SRCIN1: variants seen among roughly 807,000 people sequenced by gnomAD.
The protein encoded by SRCIN1 is SRC kinase signaling inhibitor 1, also known as P130Cas-associated protein.
Under a neutral mutation model 116.2 loss-of-function variants are expected in SRCIN1, and 50 were observed. That is an observed-to-expected ratio of 0.43 (90% confidence interval 0.34 to 0.54). The LOEUF (loss-of-function observed/expected upper bound fraction) is 0.54. Among genes scored for constraint, SRCIN1 ranks in the 20% least tolerant of loss-of-function variants. The probability of loss-of-function intolerance (pLI) is 0.02; values close to 1 mark genes in which losing one functional copy is unlikely to be tolerated. For synonymous variants in SRCIN1, 736 were observed against 750.0 expected, an observed-to-expected ratio of 0.98 and a Z score of 0.30; for missense variants, 1,446 against 1,672.0, an observed-to-expected ratio of 0.86 and a Z score of 2.36.
In SRCIN1 at chr17:38,558,299, C is replaced by A. The variant is rs757351056; in HGVS notation, c.2129G>T (p.Arg710Leu). Reference sequence around the variant, plus strand: ...TTCCTCTTCCACCAGGGTGCGCTGCCGCTGCAGCGGGTCCTCCTGCCGCCG... The same window carrying A: ...TTCCTCTTCCACCAGGGTGCGCTGCAGCTGCAGCGGGTCCTCCTGCCGCCG... ...AARRQEDPLQRQRTLVEEERL... is the reference protein window; with the variant it reads ...AARRQEDPLQLQRTLVEEERL... Residue 710 changes from arginine (R) to leucine (L), a missense_variant, in exon 11 of 19, where the codon CGG (arginine) becomes CTG (leucine). By Grantham distance (102) the Arg-to-Leu change is moderately radical. Coordinates refer to ENST00000617146, the MANE Select transcript of SRCIN1 (RefSeq NM_025248.3). The surrounding 1 kb of genome is among the most constrained non-coding windows in gnomAD (Gnocchi z 4.6). The A allele has an allele frequency of 1.2e-6, 2 of 1,611,960 alleles. No individual in the cohort carries two copies. Among genetic ancestry groups the A allele is most frequent in the Non-Finnish European group, 1.7e-6 (2 of 1,179,648 alleles).
At chr17:38,605,365 C>T (rs1316978237) in intron 1 of SRCIN1, among the ~76,000 whole-genome samples, 2 of 147,506 alleles carry the variant, frequency 1.4e-5, no homozygotes, top group Non-Finnish European at 1.5e-5. Context: ...TCCACACAAG[C>T]CCCTTTACAG....
At chr17:38,539,325 A>T (rs1398045036) in intron 18 of SRCIN1, among the ~76,000 whole-genome samples, 1 of 152,088 alleles carries the variant, frequency 6.6e-6, no homozygotes, top group Non-Finnish European at 1.5e-5. Flanking sequence ...CCTGGCCTCG[A>T]GTGATCCTCC....
At chr17:38,567,213 C>A (rs1906777698) in intron 3 of SRCIN1, among the ~76,000 whole-genome samples, 1 of 152,212 alleles carries the variant, frequency 6.6e-6, no homozygotes. Context: ...CCTTTTTTCC[C>A]TATCTTTACA....
chr17:38,543,003 G>C, intron 18 of SRCIN1: 1 of 446,474 alleles, frequency 2.2e-6, no homozygotes, highest in Non-Finnish European at 4.6e-6. Flanking sequence ...AATCAAACGA[G>C]TGCACTAAGG....
rs1449764621 is a variant in SRCIN1, at chr17:38,539,721, T to TC, written c.3417+4101dup. Among the ~76,000 whole-genome samples, 4 of 152,218 alleles carry TC rather than the reference T, an allele frequency of 2.6e-5. No homozygotes were observed. In the South Asian group the frequency reaches 6.2e-4, roughly 24 times the overall value. On this transcript the variant is annotated intron_variant, in intron 18 of 18. Coordinates refer to ENST00000617146, the MANE Select transcript of SRCIN1 (RefSeq NM_025248.3). ...TGTTTTCTCCCTCAATCCTCTGGTG[T>TC]CGTCCTTTCATTAAAGTCTCTTCAT...
chr17:38,561,798 C>G lies in SRCIN1; in HGVS notation c.1365G>C (p.Ala455=). The G allele has an allele frequency of 3.4e-6, 5 of 1,483,152 alleles. No individual in the cohort carries two copies. Among genetic ancestry groups the G allele is most frequent in the Non-Finnish European group, 4.4e-6 (5 of 1,124,044 alleles). The allele number at this position is 1,483,152 out of a possible 1,614,324, so 91.9% of individuals were successfully genotyped here. Residue 455 remains alanine, a synonymous_variant, in exon 7 of 19, where the codon GCG becomes GCC. Transcript: ENST00000617146. ...SDLEDSLYKA[A]GGGGPLYGDG... Reference sequence around the variant, plus strand: ...CGCCGTACAGCGGGCCGCCGCCGCCCGCCGCCTTGTACAGGGAGTCCTCCA... The same window carrying G: ...CGCCGTACAGCGGGCCGCCGCCGCCGGCCGCCTTGTACAGGGAGTCCTCCA...
intron 18 of SRCIN1, among the ~76,000 whole-genome samples, chr17:38,537,465 C>T (rs1170485062): frequency 1.3e-5 from 2 of 151,526 alleles, no homozygotes. Flanking sequence ...CATGCCACTG[C>T]CTGGGTGACA....
intron 11 of SRCIN1, among the ~76,000 whole-genome samples, chr17:38,557,130 G>A (rs997476717): frequency 9.2e-5 from 14 of 152,186 alleles, no homozygotes; most frequent in African/African-American, 3.1e-4. Context: ...CATGGGAATT[G>A]TTGCCTTGGG....
At chr17:38,583,621 C>T (rs1012614335) in intron 1 of SRCIN1, among the ~76,000 whole-genome samples, 3 of 143,608 alleles carry the variant, frequency 2.1e-5, no homozygotes, top group Admixed American at 7.3e-5. Context: ...GGTGCGATCT[C>T]GGCTCACTGC....
At chr17:38,548,778 C>T in intron 16 of SRCIN1, 69 bp from the exon 17 acceptor site, 2 of 1,466,950 alleles carry the variant, frequency 1.4e-6, no homozygotes, top group Non-Finnish European at 1.8e-6. Flanking sequence ...CCTCCCAGGC[C>T]CCATCGCCCA....
At chr17:38,570,035 G>A (rs1316769487) in intron 2 of SRCIN1, among the ~76,000 whole-genome samples, 1 of 152,128 alleles carries the variant, frequency 6.6e-6, no homozygotes, top group Non-Finnish European at 1.5e-5. Flanking sequence ...CACGGGCGGC[G>A]CACACATGGG....
intron 9 of SRCIN1, 126 bp downstream of exon 9, chr17:38,559,928 C>A: frequency 7.4e-7 from 1 of 1,349,808 alleles, no homozygotes; most frequent in Non-Finnish European, 1.0e-6. Flanking sequence ...ACGGTGGGGA[C>A]CAAAGTGCCA....
chr17:38,568,291 G>C lies in SRCIN1; in HGVS notation c.325-60C>G, dbSNP rs1906852615. ...GGGGGCCCAGGAGGGGAAAAGAGGG[G>C]CAGGGGCAGGTTAGAGACCCTTGGA... On this transcript the variant is annotated intron_variant, in intron 2 of 18. Transcript: ENST00000617146. This position sits in a 1 kb window ranked among gnomAD's most constrained non-coding sequence, Gnocchi z 4.5. 4.7e-5 allele frequency: 72 copies of C among 1,533,946 alleles called. No homozygotes were observed. Among genetic ancestry groups the C allele is most frequent in the Non-Finnish European group, 5.4e-5 (60 of 1,114,112 alleles).
At chr17:38,538,963 G>A (rs1242859656) in intron 18 of SRCIN1, among the ~76,000 whole-genome samples, 1 of 152,182 alleles carries the variant, frequency 6.6e-6, no homozygotes, top group Non-Finnish European at 1.5e-5. Context: ...CCAACAGGGT[G>A]TAAGACCCGG....
chr17:38,556,680 C>T (rs1905827739), intron 11 of SRCIN1, among the ~76,000 whole-genome samples: 1 of 152,192 alleles, frequency 6.6e-6, no homozygotes, highest in Non-Finnish European at 1.5e-5. Flanking sequence ...AAGCAGGAGT[C>T]CCCTTTCAGG....
chr17:38,552,932 A>G lies in SRCIN1; in HGVS notation c.2202-77T>C. The G allele has an allele frequency of 6.5e-7, 1 of 1,549,378 alleles. No individual in the cohort carries two copies. Among genetic ancestry groups the G allele is most frequent in the Non-Finnish European group, 8.7e-7 (1 of 1,148,288 alleles). On this transcript the variant is annotated intron_variant, in intron 11 of 18. Coordinates refer to ENST00000617146, the MANE Select transcript of SRCIN1 (RefSeq NM_025248.3). This position sits in a 1 kb window ranked among gnomAD's most constrained non-coding sequence, Gnocchi z 5.3. ...AGCCCCCTGAAATTGGGCAACTGGA[A>G]AGAAATCAGGCCACCAGTTGGATCG...
In SRCIN1 at chr17:38,549,121, C is replaced by T. The variant is rs778368924; in HGVS notation, c.3052G>A (p.Gly1018Ser). 12 of 1,605,098 alleles carry T rather than the reference C, an allele frequency of 7.5e-6. No individual in the cohort carries two copies. Among genetic ancestry groups the T allele is most frequent in the Non-Finnish European group, 1.0e-5 (12 of 1,175,458 alleles). ...PPRRSFPSSH[G>S]LTTTRTGEVV... ...TCTCCGGTACGTGTGGTGGTCAGGC[C>T]ATGGGAGGAGGGGAAGCTCCGGCGG... Residue 1018 changes from glycine to serine, a missense_variant, in exon 16 of 19, where the codon GGC becomes AGC. Coordinates refer to ENST00000617146, the MANE Select transcript of SRCIN1 (RefSeq NM_025248.3).
chr17:38,604,529 G>A lies in SRCIN1; in HGVS notation c.22+1155C>T. On this transcript the variant is annotated intron_variant, in intron 1 of 18. Coordinates refer to ENST00000617146, the MANE Select transcript of SRCIN1 (RefSeq NM_025248.3). This position sits in a 1 kb window ranked among gnomAD's most constrained non-coding sequence, Gnocchi z 4.3. ...CCTCGGTCCAGCCTCCTCCCTGGGA[G>A]AGCGGGCTCTGCCCTCCGCCGTCCT... 2.2e-6 allele frequency: 1 copy of A among 455,358 alleles called. No homozygotes were observed. Among genetic ancestry groups the A allele is most frequent in the Non-Finnish European group, 4.4e-6 (1 of 226,460 alleles). The allele number at this position is 455,358 out of a possible 1,614,324, so 28.2% of individuals were successfully genotyped here. A position where few individuals can be genotyped will look rare whatever the true frequency, so the allele number is the denominator to read the frequency against.
rs1904964495 is a variant in SRCIN1, at chr17:38,544,605, T to C, written c.3271-636A>G. On this transcript the variant is annotated intron_variant, in intron 17 of 18. Transcript: ENST00000617146. This position sits in a 1 kb window ranked among gnomAD's most constrained non-coding sequence, Gnocchi z 4.5. Reference sequence around the variant, plus strand: ...GAAGGTGGGGAGAGAACTTTATTTGTTGGTTTACAGATACAGAGCAGAAGG... The same window carrying C: ...GAAGGTGGGGAGAGAACTTTATTTGCTGGTTTACAGATACAGAGCAGAAGG... 1 of 152,246 alleles carries C rather than the reference T, an allele frequency of 6.6e-6. No individual in the cohort carries two copies. The highest frequency in any genetic ancestry group is 2.4e-5 in the African/African-American group (1 of 41,438). The allele number at this position is 152,246 out of a possible 1,614,324, so 9.4% of individuals were successfully genotyped here. A position where few individuals can be genotyped will look rare whatever the true frequency, so the allele number is the denominator to read the frequency against.
Sources: allele counts gnomAD v4.1 joint callset (sites outside exome capture counted in the v4.1 genomes callset), GRCh38; gene constraint gnomAD v4.1.1; non-coding constraint Gnocchi (gnomAD v3.1); transcripts MANE v1.5; gene names NCBI Gene and HGNC (gene_info 2026-07-23, HGNC 2026-07-21).